The following FAM135B variants were observed in gnomAD, a reference collection of about 807,000 sequenced individuals.
FAM135B encodes the protein family with sequence similarity 135 member B.
A neutral mutation model predicts 127.7 loss-of-function variants in FAM135B; 43 were observed. The ratio of observed to expected loss-of-function variants is 0.34; its 90% CI spans 0.26 to 0.43. The LOEUF is 0.43. FAM135B is among the 20% of genes least tolerant of loss of function. The probability of loss-of-function intolerance (pLI) is 1.00; values close to 1 mark genes in which losing one functional copy is unlikely to be tolerated. For synonymous variants in FAM135B, 670 were observed against 665.1 expected (o/e 1.01, Z -0.11); for missense variants, 1,558 against 1,725.6 (o/e 0.90, Z 1.72).
chr8:138,150,523 C>A (rs1340935734), intron 13 of FAM135B, among the ~76,000 whole-genome samples: 1 of 152,116 alleles, frequency 6.6e-6, no homozygotes, highest in South Asian at 2.1e-4. Flanking sequence ...CAAAAATTAG[C>A]TGGGTGTGGT....
chr8:138,133,638 T>G (rs114154492), intron 19 of FAM135B, among the ~76,000 whole-genome samples: 575 of 152,248 alleles, frequency 3.8e-3, no homozygotes, highest in African/African-American at 0.013. Flanking sequence ...AACAACCGGG[T>G]CTGTTTTACA....
intron 16 of FAM135B, among the ~76,000 whole-genome samples, chr8:138,142,296 T>C (rs1204950441): frequency 1.0e-5 from 1 of 99,700 alleles, no homozygotes; most frequent in African/African-American, 4.3e-5. Context: ...TTCTTTTTTT[T>C]TTTTTTTTTT....
Position 138,426,138 on chromosome 8 carries a change from G to GTGTA in FAM135B, c.-19-58137_-19-58136insTACA, listed in dbSNP as rs1554690967. 2.0e-4 allele frequency among the ~76,000 whole-genome samples: 28 copies of GTGTA among 139,786 alleles called. 5 individuals carry two copies. Among genetic ancestry groups the GTGTA allele is most frequent in the African/African-American group, 7.3e-4 (27 of 37,238 alleles). 91.7% of individuals were successfully genotyped at this position (139,786 alleles called of 152,430 possible). A position where few individuals can be genotyped will look rare whatever the true frequency, so the allele number is the denominator to read the frequency against. ...CACATATGTGTGTGTGTGTGTGTGT[G>GTGTA]TATATATATATATAATGCTAAGCAC... On this transcript the variant is annotated intron_variant, in intron 1 of 19. Transcript: ENST00000395297.
At chr8:138,186,409 G>T (rs1265899914) in intron 9 of FAM135B, among the ~76,000 whole-genome samples, 1 of 152,102 alleles carries the variant, frequency 6.6e-6, no homozygotes, top group Non-Finnish European at 1.5e-5. Context: ...TCTTCAAATT[G>T]CTTTAAATCG....
At chr8:138,170,771 G>A (rs1820361262) in intron 11 of FAM135B, among the ~76,000 whole-genome samples, 1 of 152,194 alleles carries the variant, frequency 6.6e-6, no homozygotes, top group Non-Finnish European at 1.5e-5. Context: ...GTGTCTGTGA[G>A]GGTGTCTCTG....
At chr8:138,430,787 G>T (rs1296547424) in intron 1 of FAM135B, among the ~76,000 whole-genome samples, 1 of 152,106 alleles carries the variant, frequency 6.6e-6, no homozygotes, top group Non-Finnish European at 1.5e-5. Context: ...GCATCTTTGG[G>T]AATAAAATCT....
chr8:138,246,838 T>C (rs1457618950), intron 6 of FAM135B, among the ~76,000 whole-genome samples: 2 of 152,216 alleles, frequency 1.3e-5, no homozygotes, highest in African/African-American at 4.8e-5. Context: ...TAGAGGGGAC[T>C]GTACCCTGCA....
At chr8:138,485,324 C>T (rs949021729) in intron 1 of FAM135B, among the ~76,000 whole-genome samples, 3 of 152,154 alleles carry the variant, frequency 2.0e-5, no homozygotes, top group African/African-American at 7.2e-5. Context: ...AGAGTCTTCC[C>T]TAATGATATT....
chr8:138,221,686 AAGG>A (rs2130047152), intron 7 of FAM135B, among the ~76,000 whole-genome samples: 1 of 152,302 alleles, frequency 6.6e-6, no homozygotes, highest in East Asian at 1.9e-4. Flanking sequence ...GAAAACTCAG[AAGG>A]AGATTACCTC....
intron 12 of FAM135B, among the ~76,000 whole-genome samples, chr8:138,159,574 G>T (rs533521844): frequency 6.9e-6 from 1 of 144,766 alleles, no homozygotes; most frequent in South Asian, 2.4e-4. Context: ...TGGACACAGG[G>T]TGGGTAGCAC....
chr8:138,254,525 T>G (rs992136230), intron 5 of FAM135B, among the ~76,000 whole-genome samples: 16 of 152,032 alleles, frequency 1.1e-4, no homozygotes, highest in African/African-American at 3.6e-4. Context: ...CCCAGATGGT[T>G]AGGGGAAAAT....
intron 1 of FAM135B, among the ~76,000 whole-genome samples, chr8:138,424,781 AC>A (rs775697922): frequency 3.0e-4 from 45 of 152,202 alleles, no homozygotes; most frequent in Non-Finnish European, 5.6e-4. Context: ...CAATAAATAA[AC>A]TGATGGGTAA....
chr8:138,224,274 C>T (rs961055518), intron 7 of FAM135B, among the ~76,000 whole-genome samples: 1 of 152,198 alleles, frequency 6.6e-6, no homozygotes, highest in African/African-American at 2.4e-5. Flanking sequence ...ATTGACAGCA[C>T]TCTGTAGTTA....
chr8:138,190,347 A>G (rs1000817840), intron 9 of FAM135B, among the ~76,000 whole-genome samples: 3 of 152,188 alleles, frequency 2.0e-5, no homozygotes, highest in African/African-American at 7.2e-5. Flanking sequence ...GGTTGGCTGG[A>G]CATGCCTCAG....
intron 1 of FAM135B, among the ~76,000 whole-genome samples, chr8:138,385,776 C>T (rs1832165541): frequency 6.6e-6 from 1 of 152,012 alleles, no homozygotes; most frequent in Admixed American, 6.6e-5. Flanking sequence ...GGCACCAGTG[C>T]ACACCAGTCT....
At chr8:138,330,804 A>G (rs566064271) in intron 2 of FAM135B, among the ~76,000 whole-genome samples, 1 of 151,430 alleles carries the variant, frequency 6.6e-6, no homozygotes, top group Non-Finnish European at 1.5e-5. Context: ...GCAATCAATG[A>G]TCTCCAGAAT....
rs575754651 is a variant in FAM135B, at chr8:138,302,795, C to T, written c.157+8046G>A. Among the ~76,000 whole-genome samples the T allele has an allele frequency of 1.4e-4, 22 of 152,350 alleles. No individual in the cohort carries two copies. The South Asian group carries it at 3.9e-3, about 27-fold the overall frequency. ...TGGTCTTTGGGCCCCATGAAAGTAG[C>T]GCCAGCCACCAAGCTCGCTGTCAAC... On this transcript the variant is annotated intron_variant, in intron 3 of 19. Transcript: ENST00000395297.
intron 1 of FAM135B, among the ~76,000 whole-genome samples, chr8:138,467,649 T>G (rs1837451707): frequency 6.6e-6 from 1 of 152,200 alleles, no homozygotes; most frequent in East Asian, 1.9e-4. Flanking sequence ...GAAATTTGTA[T>G]AAGCAAACTG....
At chr8:138,474,629 A>G (rs7831233) in intron 1 of FAM135B, among the ~76,000 whole-genome samples, 67,387 of 152,084 alleles carry the variant, frequency 0.44, 16,765 homozygotes, top group East Asian at 0.76. Context: ...CACACAGCTC[A>G]AATCCTAACT....
Sources: gnomAD v4.1 joint callset for allele counts (sites outside exome capture counted in the v4.1 genomes callset) on GRCh38, gnomAD v4.1.1 for gene constraint, MANE v1.5 for transcripts, NCBI Gene and HGNC (gene_info 2026-07-23, HGNC 2026-07-21) for gene names.